The following TJP1 variants were observed in gnomAD, a reference collection of about 807,000 sequenced individuals.
The protein encoded by TJP1 is tight junction protein 1.
Under a neutral mutation model 194.2 loss-of-function variants are expected in TJP1, and 43 were observed. That is an observed-to-expected ratio of 0.22 (90% CI 0.17 to 0.29). TJP1 has a LOEUF of 0.29. TJP1 is among the 10% of genes least tolerant of loss of function. The pLI is 1.00. For missense variants in TJP1, 1,971 were observed against 2,185.7 expected (o/e 0.90, Z 1.96); for synonymous variants, 801 against 779.0 (o/e 1.03, Z -0.47).
chr15:29,727,088 A>C (rs565714544), intron 16 of TJP1, 97 bp from the exon 17 acceptor site: 80 of 1,089,864 alleles, frequency 7.3e-5, no homozygotes, highest in Non-Finnish European at 1.0e-4. Context: ...CTACGCCTAT[A>C]ATCCTAGCAC....
intron 2 of TJP1, among the ~76,000 whole-genome samples, chr15:29,927,197 G>A (rs1270309731): frequency 6.6e-6 from 1 of 152,196 alleles, no homozygotes; most frequent in Non-Finnish European, 1.5e-5. Context: ...GCGCATGCCT[G>A]TAATCCCAGC....
chr15:29,836,274 CTTTT>C lies in TJP1; in HGVS notation c.307-35576_307-35573del, dbSNP rs1301707709. Among the ~76,000 whole-genome samples, 5 of 143,602 alleles carry C rather than the reference CTTTT, an allele frequency of 3.5e-5. No individual in the cohort carries two copies. The East Asian group carries it at 8.1e-4, about 23-fold the overall frequency. The allele number at this position is 143,602 out of a possible 152,430, so 94.2% of individuals were successfully genotyped here. On this transcript the variant is annotated intron_variant, in intron 2 of 28. Transcript: ENST00000356107. ...GTTACGTTATCTGTGGGATGATCAA[CTTTT>C]TTTTTTTTTTTGAGAGACAGAGTCT...
At chr15:29,733,421 A>T (rs888067575) in intron 12 of TJP1, 108 bp from the exon 13 acceptor site, 1 of 784,556 alleles carries the variant, frequency 1.3e-6, no homozygotes, top group Non-Finnish European at 2.0e-6. Context: ...AATATCCAAC[A>T]AATTCTTACT....
intron 3 of TJP1, among the ~76,000 whole-genome samples, chr15:29,772,879 C>T (rs1016731269): frequency 1.3e-5 from 2 of 152,130 alleles, no homozygotes; most frequent in African/African-American, 2.4e-5. Context: ...ATTCTCCTGC[C>T]TCAGCCTCCC....
At chr15:29,794,230 CTT>C (rs2048270713) in intron 2 of TJP1, among the ~76,000 whole-genome samples, 1 of 152,052 alleles carries the variant, frequency 6.6e-6, no homozygotes, top group African/African-American at 2.4e-5. Flanking sequence ...CTGGTGAGGA[CTT>C]TGATTTTGTC....
At chr15:29,952,391 T>A (rs1431271630) in intron 2 of TJP1, among the ~76,000 whole-genome samples, 1 of 152,062 alleles carries the variant, frequency 6.6e-6, no homozygotes, top group Non-Finnish European at 1.5e-5. Flanking sequence ...GGTTACAAAA[T>A]GAACTAGAAT....
At chr15:29,861,552 C>T (rs2052081448) in intron 2 of TJP1, among the ~76,000 whole-genome samples, 1 of 152,208 alleles carries the variant, frequency 6.6e-6, no homozygotes, top group African/African-American at 2.4e-5. Context: ...ACGATACTGG[C>T]ATCTTTTCAT....
intron 2 of TJP1, among the ~76,000 whole-genome samples, chr15:29,922,300 T>C (rs1213000644): frequency 1.3e-5 from 2 of 152,140 alleles, no homozygotes; most frequent in Non-Finnish European, 2.9e-5. Flanking sequence ...CTGGTCAACA[T>C]AGTGAGGTCA....
At chr15:29,960,401 G>C (rs911042801) in intron 1 of TJP1, among the ~76,000 whole-genome samples, 3 of 152,040 alleles carry the variant, frequency 2.0e-5, no homozygotes, top group Non-Finnish European at 2.9e-5. Context: ...GGGAGGCCGA[G>C]ACATGAGGAT....
intron 5 of TJP1, among the ~76,000 whole-genome samples, chr15:29,762,841 C>T (rs1292626867): frequency 3.3e-5 from 5 of 152,126 alleles, no homozygotes; most frequent in Non-Finnish European, 7.4e-5. Context: ...GCCAAAAAAC[C>T]CTCCTGCCTC....
At chr15:29,916,240 CAAAA>C (rs199907379) in intron 2 of TJP1, among the ~76,000 whole-genome samples, 13,009 of 96,522 alleles carry the variant, frequency 0.13, 1,230 homozygotes, top group African/African-American at 0.3. Context: ...GACTCTGTCT[CAAAA>C]AAAAAAAAAA....
At chr15:29,803,474 C>T (rs1254254445) in intron 1 of TJP1, among the ~76,000 whole-genome samples, 1 of 152,048 alleles carries the variant, frequency 6.6e-6, no homozygotes, top group African/African-American at 2.4e-5. Flanking sequence ...CTGGGCTAAG[C>T]TTATGATACT....
At chr15:29,844,220 A>G (rs1296288692) in intron 2 of TJP1, among the ~76,000 whole-genome samples, 1 of 152,042 alleles carries the variant, frequency 6.6e-6, no homozygotes, top group Non-Finnish European at 1.5e-5. Flanking sequence ...ACAGGCATGC[A>G]TCACCACGCC....
At chr15:29,949,098 C>T (rs989756620) in intron 2 of TJP1, among the ~76,000 whole-genome samples, 1 of 151,128 alleles carries the variant, frequency 6.6e-6, no homozygotes, top group Non-Finnish European at 1.5e-5. Context: ...TTCACCACCA[C>T]CTCCACCACT....
Position 29,818,476 on chromosome 15 carries a change from G to A in TJP1, c.27+3526C>T, listed in dbSNP as rs538319031. ...CAAAATTCTGACTGCGAACGCAGAC[G>A]TTTATCACACATATAAAAAACGTTT... On this transcript the variant is annotated intron_variant, in intron 1 of 27. Coordinates refer to ENST00000614355, the MANE Select transcript of TJP1 (RefSeq NM_001330239.4). 2.0e-5 allele frequency among the ~76,000 whole-genome samples: 3 copies of A among 152,270 alleles called. No homozygotes were observed. The South Asian group carries it at 6.2e-4, about 32-fold the overall frequency.
intron 3 of TJP1, 27 bp downstream of exon 3, chr15:29,773,206 A>G (rs768437294): frequency 6.2e-7 from 1 of 1,612,258 alleles, no homozygotes; most frequent in East Asian, 2.2e-5. Context: ...CTTGTTGCAC[A>G]GTGCCCACGA....
intron 23 of TJP1, among the ~76,000 whole-genome samples, chr15:29,713,601 C>A (rs777487373): frequency 2.0e-5 from 3 of 152,164 alleles, no homozygotes; most frequent in Non-Finnish European, 4.4e-5. Flanking sequence ...TAGTGACAAA[C>A]AGTAAATGGT....
intron 2 of TJP1, among the ~76,000 whole-genome samples, chr15:29,872,112 G>A (rs1163125761): frequency 4.6e-5 from 7 of 152,164 alleles, no homozygotes; most frequent in Non-Finnish European, 1.0e-4. Context: ...CTGCAGGAAG[G>A]CCTATGAGGC....
chr15:29,735,707 G>A (rs569985852), intron 11 of TJP1, among the ~76,000 whole-genome samples: 15 of 152,114 alleles, frequency 9.9e-5, no homozygotes, highest in Non-Finnish European at 1.5e-4. Flanking sequence ...TATAGTGAAC[G>A]TTATTATACA....
Sources: allele counts gnomAD v4.1 joint callset (sites outside exome capture counted in the v4.1 genomes callset), GRCh38; gene constraint gnomAD v4.1.1; transcripts MANE v1.5; gene names NCBI Gene and HGNC (gene_info 2026-07-23, HGNC 2026-07-21).